Variants in ATRNL1 observed in about 807,000 individuals in gnomAD.
ATRNL1 encodes attractin like 1, also known as attractin-like protein 1.
In ATRNL1, 95 loss-of-function variants were observed where a neutral mutation model predicts 182.7. The ratio of observed to expected loss-of-function variants is 0.52; its 90% CI spans 0.44 to 0.62. ATRNL1 has a LOEUF of 0.62. Ranked by LOEUF, ATRNL1 falls within the 20% of genes least tolerant of loss-of-function variation. The pLI, the probability that ATRNL1 is intolerant of heterozygous loss-of-function variation, is 0.00. For synonymous variants in ATRNL1, 576 were observed against 568.3 expected (o/e 1.01, Z -0.19); for missense variants, 1,471 against 1,679.5 (o/e 0.88, Z 2.17).
chr10:115,727,790 G>T (rs1307211427), intron 27 of ATRNL1, among the ~76,000 whole-genome samples: 1 of 152,106 alleles, frequency 6.6e-6, no homozygotes, highest in Non-Finnish European at 1.5e-5. Flanking sequence ...ATTTTTGAAT[G>T]TTGAAAAGTG....
chr10:115,198,048 G>T (rs1464534082), intron 8 of ATRNL1, among the ~76,000 whole-genome samples: 1 of 152,068 alleles, frequency 6.6e-6, no homozygotes, highest in Non-Finnish European at 1.5e-5. Context: ...TAGTGAAATT[G>T]CTGGGCCATA....
intron 8 of ATRNL1, among the ~76,000 whole-genome samples, chr10:115,190,458 A>T (rs1419450521): frequency 6.6e-6 from 1 of 152,080 alleles, no homozygotes; most frequent in Admixed American, 6.6e-5. Flanking sequence ...TCACTGATGG[A>T]TATATCAGTG....
chr10:115,251,678 C>T (rs1554905409), intron 10 of ATRNL1, among the ~76,000 whole-genome samples: 2 of 152,168 alleles, frequency 1.3e-5, no homozygotes, highest in Non-Finnish European at 2.9e-5. Flanking sequence ...TTTCTGGCAT[C>T]ACATAGTGTA....
chr10:115,457,026 C>G (rs1372897495), intron 21 of ATRNL1, among the ~76,000 whole-genome samples: 1 of 152,112 alleles, frequency 6.6e-6, no homozygotes, highest in Non-Finnish European at 1.5e-5. Flanking sequence ...CCATCTGCAG[C>G]TTGGTGAATG....
chr10:115,157,521 C>T (rs1254905221), intron 5 of ATRNL1, among the ~76,000 whole-genome samples: 2 of 151,810 alleles, frequency 1.3e-5, no homozygotes, highest in Admixed American at 6.6e-5. Context: ...GGCTACAGAC[C>T]TATAACATCC....
intron 26 of ATRNL1, among the ~76,000 whole-genome samples, chr10:115,561,702 T>C (rs200844568): frequency 2.1e-5 from 2 of 95,654 alleles, no homozygotes; most frequent in Non-Finnish European, 4.6e-5. Flanking sequence ...TGTGTGTGTG[T>C]GGGTGTGTGT....
chr10:115,617,516 C>T (rs570829123), intron 26 of ATRNL1, among the ~76,000 whole-genome samples: 17 of 152,208 alleles, frequency 1.1e-4, no homozygotes, highest in African/African-American at 4.1e-4. Flanking sequence ...TGCACCACCA[C>T]ACCCAGCTAA....
At chr10:115,542,169 A>G (rs1343321144) in intron 25 of ATRNL1, among the ~76,000 whole-genome samples, 7 of 152,148 alleles carry the variant, frequency 4.6e-5, no homozygotes, top group African/African-American at 1.7e-4. Context: ...CTAATATGCC[A>G]TCAGATGAGG....
intron 19 of ATRNL1, among the ~76,000 whole-genome samples, chr10:115,384,028 T>G (rs1420772516): frequency 6.6e-6 from 1 of 151,978 alleles, no homozygotes; most frequent in Non-Finnish European, 1.5e-5. Context: ...TAGGCACAAT[T>G]TAACAGTACA....
At chr10:115,651,342 G>A (rs1007089821) in intron 26 of ATRNL1, among the ~76,000 whole-genome samples, 3 of 152,052 alleles carry the variant, frequency 2.0e-5, no homozygotes, top group Admixed American at 2.0e-4. Flanking sequence ...ACAAAAGCTT[G>A]CACATATGCC....
intron 7 of ATRNL1, among the ~76,000 whole-genome samples, chr10:115,167,018 G>A (rs1166376192): frequency 4.0e-5 from 6 of 151,756 alleles, no homozygotes; most frequent in Non-Finnish European, 7.4e-5. Flanking sequence ...TTTCTCATAA[G>A]AGTTTTAAAG....
chr10:115,487,126 G>A (rs1473861859), intron 24 of ATRNL1, among the ~76,000 whole-genome samples: 1 of 152,084 alleles, frequency 6.6e-6, no homozygotes, highest in African/African-American at 2.4e-5. Context: ...GTACCATGCT[G>A]TTTTGGTACC....
chr10:115,449,530 T>C (rs1847182683), intron 21 of ATRNL1, among the ~76,000 whole-genome samples: 1 of 152,138 alleles, frequency 6.6e-6, no homozygotes, highest in Non-Finnish European at 1.5e-5. Context: ...TATTTAACAC[T>C]TAAGCCTTCC....
intron 27 of ATRNL1, among the ~76,000 whole-genome samples, chr10:115,805,354 A>G (rs1388119684): frequency 1.3e-5 from 2 of 152,212 alleles, no homozygotes; most frequent in African/African-American, 4.8e-5. Flanking sequence ...ACATTTCTTT[A>G]CATCTTGGAG....
chr10:115,723,262 A>C (rs1476777553), intron 26 of ATRNL1, among the ~76,000 whole-genome samples: 1 of 152,158 alleles, frequency 6.6e-6, no homozygotes, highest in Non-Finnish European at 1.5e-5. Context: ...TATGCAAAAG[A>C]GTCATGTAGT....
At chr10:115,731,952 A>G (rs906668939) in intron 27 of ATRNL1, among the ~76,000 whole-genome samples, 3 of 151,752 alleles carry the variant, frequency 2.0e-5, no homozygotes, top group Admixed American at 6.6e-5. Context: ...TTCGCTTAGC[A>G]TAATGTCTTT....
rs79201028 is a variant in ATRNL1, at chr10:115,346,505, T to A, written c.3175+12086T>A. 3.5e-4 allele frequency among the ~76,000 whole-genome samples: 54 copies of A among 152,334 alleles called. No homozygotes were observed. In the East Asian group the frequency reaches 0.01, roughly 29 times the overall value. The stretch of plus-strand genomic sequence containing the variant: ...TAGTACATTCACAATGTTGTACAAC[T>A]GTCACCTTTATCTAGTTCTTACACA... On this transcript the variant is annotated intron_variant, in intron 19 of 28. Transcript: ENST00000355044.
chr10:115,155,899 G>T lies in ATRNL1; in HGVS notation c.830-4141G>T, dbSNP rs1846490276. 2.0e-5 allele frequency among the ~76,000 whole-genome samples: 3 copies of T among 152,058 alleles called. No homozygotes were observed. In the South Asian group the frequency reaches 6.2e-4, roughly 32 times the overall value. On this transcript the variant is annotated intron_variant, in intron 5 of 28. Coordinates refer to ENST00000355044, the MANE Select transcript of ATRNL1 (RefSeq NM_207303.4). ...AGTGGGTGGTGGCTTGGACTGAAATGGTAGTTGTAGAGACAGGGATCAGTG... is the reference window on the plus strand; with the variant it reads ...AGTGGGTGGTGGCTTGGACTGAAATTGTAGTTGTAGAGACAGGGATCAGTG...
intron 24 of ATRNL1, among the ~76,000 whole-genome samples, chr10:115,497,361 C>T (rs1849601163): frequency 6.6e-6 from 1 of 152,132 alleles, no homozygotes; most frequent in Admixed American, 6.5e-5. Context: ...GTGCAGAGTG[C>T]AAAAAGCCTG....
Sources: gnomAD v4.1 joint callset for allele counts (sites outside exome capture counted in the v4.1 genomes callset) on GRCh38, gnomAD v4.1.1 for gene constraint, MANE v1.5 for transcripts, NCBI Gene and HGNC (gene_info 2026-07-23, HGNC 2026-07-21) for gene names.